Variants in BRINP3 observed in about 807,000 individuals in gnomAD.
BRINP3 encodes BMP/retinoic acid-inducible neural-specific protein 3.
BRINP3 carries 19 observed loss-of-function variants against 71.0 expected under a neutral mutation model. The observed-to-expected ratio is 0.27, with a 90% CI of 0.19 to 0.39. The LOEUF (loss-of-function observed/expected upper bound fraction) is 0.39, where lower values mean the gene tolerates loss of function less well. Among genes scored for constraint, BRINP3 ranks in the 10% least tolerant of loss-of-function variants. The pLI is 1.00. For missense variants in BRINP3, 959 were observed against 940.8 expected (o/e 1.02, Z -0.25); for synonymous variants, 380 against 337.7 (o/e 1.13, Z -1.37).
chr1:190,139,731 A>G (rs987191550), intron 7 of BRINP3, among the ~76,000 whole-genome samples: 3 of 152,184 alleles, frequency 2.0e-5, no homozygotes, highest in Admixed American at 6.5e-5. Flanking sequence ...GTCAAGCCAG[A>G]TTTGAGACAA....
At chr1:190,386,167 A>C (rs1670886416) in intron 2 of BRINP3, among the ~76,000 whole-genome samples, 1 of 149,976 alleles carries the variant, frequency 6.7e-6, no homozygotes, top group African/African-American at 2.4e-5. Context: ...CCAGCATGGC[A>C]CATGTATACA....
intron 6 of BRINP3, among the ~76,000 whole-genome samples, chr1:190,178,659 G>C (rs1652767792): frequency 6.6e-6 from 1 of 152,114 alleles, no homozygotes; most frequent in Non-Finnish European, 1.5e-5. Flanking sequence ...CCAGCAGAGT[G>C]ATAGAAATTG....
At chr1:190,211,540 T>A (rs1335669737) in intron 6 of BRINP3, among the ~76,000 whole-genome samples, 1 of 152,110 alleles carries the variant, frequency 6.6e-6, no homozygotes, top group African/African-American at 2.4e-5. Context: ...GGATATAATA[T>A]GATAGGTAAT....
At chr1:190,431,464 C>A (rs1674095482) in intron 2 of BRINP3, among the ~76,000 whole-genome samples, 1 of 152,102 alleles carries the variant, frequency 6.6e-6, no homozygotes, top group African/African-American at 2.4e-5. Flanking sequence ...TGAAGCTGTT[C>A]TCCTGCCTCA....
chr1:190,279,102 T>A (rs1164902685), intron 3 of BRINP3, among the ~76,000 whole-genome samples: 1 of 151,718 alleles, frequency 6.6e-6, no homozygotes, highest in African/African-American at 2.4e-5. Flanking sequence ...TTGAATCACT[T>A]ATATAATAAT....
At chr1:190,458,550 A>G (rs893454887) in intron 1 of BRINP3, among the ~76,000 whole-genome samples, 7 of 152,064 alleles carry the variant, frequency 4.6e-5, no homozygotes, top group African/African-American at 1.7e-4. Flanking sequence ...TTTCATGAGT[A>G]CTAATTTATA....
chr1:190,217,873 T>G (rs1277200830), intron 6 of BRINP3, among the ~76,000 whole-genome samples: 1 of 152,056 alleles, frequency 6.6e-6, no homozygotes, highest in East Asian at 1.9e-4. Flanking sequence ...TAGGACTGGC[T>G]TCTAATCAGT....
intron 2 of BRINP3, among the ~76,000 whole-genome samples, chr1:190,323,366 T>C (rs1486581641): frequency 6.6e-6 from 1 of 151,958 alleles, no homozygotes; most frequent in Non-Finnish European, 1.5e-5. Context: ...GATGACTTGA[T>C]TTTCAAATAT....
chr1:190,391,369 T>A (rs1182680111), intron 2 of BRINP3, among the ~76,000 whole-genome samples: 2 of 151,820 alleles, frequency 1.3e-5, no homozygotes, highest in Non-Finnish European at 2.9e-5. Context: ...CAGTAACTGA[T>A]AAAATATATG....
intron 7 of BRINP3, among the ~76,000 whole-genome samples, chr1:190,153,467 A>G (rs1397980186): frequency 1.3e-5 from 2 of 152,150 alleles, no homozygotes; most frequent in Non-Finnish European, 2.9e-5. Flanking sequence ...TAATACATAA[A>G]TGTAAGGGTT....
intron 1 of BRINP3, among the ~76,000 whole-genome samples, chr1:190,463,692 A>G (rs1398709533): frequency 2.0e-5 from 3 of 151,910 alleles, no homozygotes; most frequent in Admixed American, 2.0e-4. Flanking sequence ...TCATTATTCA[A>G]TAATTTGTAT....
chr1:190,107,626 T>C (rs952623998), intron 7 of BRINP3, among the ~76,000 whole-genome samples: 1 of 151,968 alleles, frequency 6.6e-6, no homozygotes, highest in Non-Finnish European at 1.5e-5. Context: ...TTCCTGATAG[T>C]ATCTGTGTTT....
chr1:190,366,469 AG>A (rs1669508927), intron 2 of BRINP3, among the ~76,000 whole-genome samples: 1 of 152,106 alleles, frequency 6.6e-6, no homozygotes, highest in Non-Finnish European at 1.5e-5. Context: ...ATTCAAGATG[AG>A]ATTTGGGTGA....
intron 2 of BRINP3, among the ~76,000 whole-genome samples, chr1:190,384,519 C>A (rs1670757553): frequency 6.6e-6 from 1 of 151,438 alleles, no homozygotes; most frequent in Non-Finnish European, 1.5e-5. Flanking sequence ...AATAAATTCC[C>A]AAAATTTTAC....
intron 7 of BRINP3, among the ~76,000 whole-genome samples, chr1:190,112,827 T>C (rs1476903051): frequency 1.3e-5 from 2 of 152,106 alleles, no homozygotes; most frequent in Non-Finnish European, 2.9e-5. Context: ...TTGGTGAGAA[T>C]TGTACTGAAA....
chr1:190,233,184 T>C (rs1192425907), intron 5 of BRINP3, among the ~76,000 whole-genome samples: 1 of 152,084 alleles, frequency 6.6e-6, no homozygotes, highest in African/African-American at 2.4e-5. Flanking sequence ...TGATGTGCAG[T>C]GTCGCATGGA....
At chr1:190,303,290 A>G in intron 2 of BRINP3, among the ~76,000 whole-genome samples, 1 of 151,926 alleles carries the variant, frequency 6.6e-6, no homozygotes, top group South Asian at 2.1e-4. Context: ...GATAATTTAA[A>G]TCCAATGTTT....
At chr1:190,291,573 T>A (rs1178893895) in intron 2 of BRINP3, among the ~76,000 whole-genome samples, 5 of 152,082 alleles carry the variant, frequency 3.3e-5, no homozygotes, top group Admixed American at 3.3e-4. Flanking sequence ...TCACTAATCA[T>A]CAGGGAAATG....
At chr1:190,349,507 T>G (rs1668235431) in intron 2 of BRINP3, among the ~76,000 whole-genome samples, 1 of 152,128 alleles carries the variant, frequency 6.6e-6, no homozygotes, top group South Asian at 2.1e-4. Flanking sequence ...GTTGACAATG[T>G]GCTTTCTATT....
Sources: allele counts gnomAD v4.1 joint callset (sites outside exome capture counted in the v4.1 genomes callset), GRCh38; gene constraint gnomAD v4.1.1; transcripts MANE v1.5; gene names NCBI Gene and HGNC (gene_info 2026-07-23, HGNC 2026-07-21).